Variants in RANBP2 observed in about 807,000 individuals in gnomAD.
The protein encoded by RANBP2 is E3 SUMO-protein ligase RanBP2.
A neutral mutation model predicts 303.6 loss-of-function variants in RANBP2; 57 were observed. That is an observed-to-expected ratio of 0.19 (90% confidence interval 0.15 to 0.23). The LOEUF is 0.23. Among genes scored for constraint, RANBP2 ranks in the 10% least tolerant of loss-of-function variants. The probability of loss-of-function intolerance (pLI) is 1.00; values close to 1 mark genes in which losing one functional copy is unlikely to be tolerated. For synonymous variants in RANBP2, 1,167 were observed against 1,301.5 expected, an observed-to-expected ratio of 0.90 and a Z score of 2.23; for missense variants, 3,138 against 3,780.8, an observed-to-expected ratio of 0.83 and a Z score of 4.46.
chr2:109,569,252 A>C, the RANBP2 span, among the ~76,000 whole-genome samples: 1 of 152,068 alleles, frequency 6.6e-6, no homozygotes, highest in African/African-American at 2.4e-5. Flanking sequence ...AAAATGGAGA[A>C]ACCCCATCTC....
chr2:108,897,082 A>G, the RANBP2 span: 1 of 1,614,162 alleles, frequency 6.2e-7, no homozygotes, highest in Non-Finnish European at 8.5e-7. Flanking sequence ...GCCGTCTGTC[A>G]TGCCCCCAAT....
the RANBP2 span, among the ~76,000 whole-genome samples, chr2:109,112,065 C>G: frequency 1.6e-4 from 24 of 152,000 alleles, no homozygotes; most frequent in Admixed American, 5.2e-4. Context: ...CAAGTCTTTG[C>G]TATTGTGAAT....
the RANBP2 span, among the ~76,000 whole-genome samples, chr2:109,557,729 T>C: frequency 6.6e-6 from 1 of 152,230 alleles, no homozygotes. Flanking sequence ...TCTATAAAGT[T>C]AGTATTCTAA....
the RANBP2 span, among the ~76,000 whole-genome samples, chr2:109,001,776 A>G: frequency 1.3e-5 from 2 of 152,124 alleles, no homozygotes; most frequent in East Asian, 1.9e-4. Context: ...TGTCGCCCAG[A>G]CTAGAGTGCA....
chr2:109,355,256 A>G, the RANBP2 span, among the ~76,000 whole-genome samples: 4 of 152,354 alleles, frequency 2.6e-5, no homozygotes, highest in South Asian at 6.2e-4. Flanking sequence ...TATGTTGTGG[A>G]AACAAGTTTC....
the RANBP2 span, among the ~76,000 whole-genome samples, chr2:108,835,022 A>G: frequency 7.2e-5 from 11 of 152,246 alleles, no homozygotes; most frequent in Non-Finnish European, 1.5e-4. Context: ...ATTGTTTTGC[A>G]CTTGCATTGA....
the RANBP2 span, among the ~76,000 whole-genome samples, chr2:109,360,276 G>T: frequency 6.6e-6 from 1 of 152,040 alleles, no homozygotes; most frequent in African/African-American, 2.4e-5. Context: ...AAATACTTAT[G>T]TGTGAATAAT....
the RANBP2 span, among the ~76,000 whole-genome samples, chr2:109,506,117 T>C: frequency 6.6e-6 from 1 of 152,168 alleles, no homozygotes; most frequent in Non-Finnish European, 1.5e-5. Flanking sequence ...GTCAGGGCAT[T>C]ATCTGAACAG....
chr2:108,724,888 TGGG>T (rs1162903079), intron 1 of RANBP2, among the ~76,000 whole-genome samples: 2,065 of 149,944 alleles, frequency 0.014, 62 homozygotes, highest in African/African-American at 0.05. Context: ...GCTGATCAGA[TGGG>T]TTTTTGGAGG....
At chr2:108,960,942 C>A in the RANBP2 span, among the ~76,000 whole-genome samples, 1 of 152,204 alleles carries the variant, frequency 6.6e-6, no homozygotes, top group African/African-American at 2.4e-5. Flanking sequence ...CAAAGTTTTT[C>A]ACTATTATAA....
the RANBP2 span, among the ~76,000 whole-genome samples, chr2:109,474,381 C>T: frequency 6.6e-6 from 1 of 152,136 alleles, no homozygotes; most frequent in Non-Finnish European, 1.5e-5. Flanking sequence ...GAGCTAGCTG[C>T]GTCTAACAAA....
the RANBP2 span, chr2:109,348,056 G>C: frequency 3.5e-6 from 5 of 1,417,274 alleles, no homozygotes; most frequent in Non-Finnish European, 4.7e-6. Context: ...TTCAGAGTCT[G>C]AATCCTGGCT....
chr2:109,085,854 C>T, the RANBP2 span, among the ~76,000 whole-genome samples: 8 of 152,256 alleles, frequency 5.3e-5, no homozygotes, highest in African/African-American at 1.9e-4. Flanking sequence ...ATCCACCCAC[C>T]TTGGCCTCCC....
the RANBP2 span, among the ~76,000 whole-genome samples, chr2:108,974,686 C>T: frequency 7.9e-5 from 12 of 152,030 alleles, no homozygotes; most frequent in South Asian, 2.1e-4. Flanking sequence ...GCCGAGATAG[C>T]GCCACTGCAC....
the RANBP2 span, among the ~76,000 whole-genome samples, chr2:108,847,941 A>G: frequency 6.6e-6 from 1 of 152,336 alleles, no homozygotes; most frequent in African/African-American, 2.4e-5. Context: ...TACGAGAAGC[A>G]GGGATTAGCT....
chr2:108,820,082 G>A, the RANBP2 span, among the ~76,000 whole-genome samples: 23 of 152,258 alleles, frequency 1.5e-4, no homozygotes, highest in Non-Finnish European at 2.5e-4. Context: ...TTACGCAGAA[G>A]ACATCAACAC....
At chr2:108,761,413 T>C (rs1676722661) in intron 18 of RANBP2, among the ~76,000 whole-genome samples, 1 of 152,300 alleles carries the variant, frequency 6.6e-6, no homozygotes, top group East Asian at 1.9e-4. Context: ...TTTGGTTGTT[T>C]TCTGGTAAAA....
the RANBP2 span, among the ~76,000 whole-genome samples, chr2:109,187,165 TC>T: frequency 7.2e-5 from 11 of 152,344 alleles, 1 homozygote; most frequent in East Asian, 2.1e-3. Context: ...GCTGACCACT[TC>T]GTCGTCATTA....
chr2:109,304,326 T>C, the RANBP2 span, among the ~76,000 whole-genome samples: 2 of 152,208 alleles, frequency 1.3e-5, no homozygotes, highest in East Asian at 3.9e-4. Flanking sequence ...AACATATAAG[T>C]GAGATCATGT....
Sources: gnomAD v4.1 joint callset for allele counts (sites outside exome capture counted in the v4.1 genomes callset) on GRCh38, gnomAD v4.1.1 for gene constraint, MANE v1.5 for transcripts, NCBI Gene and HGNC (gene_info 2026-07-23, HGNC 2026-07-21) for gene names.